TMCC3: variants seen among roughly 807,000 people sequenced by gnomAD.
TMCC3 encodes the protein transmembrane and coiled-coil domain family 3.
A neutral mutation model predicts 40.2 loss-of-function variants in TMCC3; 28 were observed. That is an observed-to-expected ratio of 0.70 (90% CI 0.52 to 0.95). The LOEUF (loss-of-function observed/expected upper bound fraction) is 0.95. Ranked by LOEUF, TMCC3 falls within the 40% of genes least tolerant of loss-of-function variation. The pLI is 0.00. For synonymous variants in TMCC3, 255 were observed against 248.5 expected, an observed-to-expected ratio of 1.03 and a Z score of -0.25; for missense variants, 554 against 615.2, an observed-to-expected ratio of 0.90 and a Z score of 1.05.
intron 1 of TMCC3, among the ~76,000 whole-genome samples, chr12:94,588,270 G>C (rs2068649966): frequency 1.3e-5 from 2 of 152,140 alleles, no homozygotes; most frequent in African/African-American, 2.4e-5. Flanking sequence ...CAAAAAGGAA[G>C]GGTACCAACA....
intron 1 of TMCC3, among the ~76,000 whole-genome samples, chr12:94,650,097 C>T (rs1171696647): frequency 2.6e-5 from 4 of 152,130 alleles, no homozygotes; most frequent in Non-Finnish European, 4.4e-5. Flanking sequence ...GGGAACCGGG[C>T]GTCCCGCATA....
chr12:94,616,755 G>A (rs143832102), intron 1 of TMCC3, among the ~76,000 whole-genome samples: 20 of 152,360 alleles, frequency 1.3e-4, no homozygotes, highest in South Asian at 6.2e-4. Context: ...GTTAGACAGA[G>A]AAGTAAAGAT....
intron 3 of TMCC3, among the ~76,000 whole-genome samples, chr12:94,575,462 T>A (rs2068558199): frequency 3.9e-5 from 6 of 152,156 alleles, no homozygotes; most frequent in Admixed American, 3.9e-4. Flanking sequence ...GAGCACTAAC[T>A]CATCCAGGGT....
chr12:94,640,157 A>G (rs978525790), intron 1 of TMCC3, among the ~76,000 whole-genome samples: 5 of 152,120 alleles, frequency 3.3e-5, no homozygotes, highest in African/African-American at 1.2e-4. Flanking sequence ...ACTTTCTAAC[A>G]TTGCTCCAAC....
At chr12:94,645,984 C>T (rs1200892158) in intron 1 of TMCC3, among the ~76,000 whole-genome samples, 3 of 152,118 alleles carry the variant, frequency 2.0e-5, no homozygotes, top group African/African-American at 7.2e-5. Flanking sequence ...CAAAACACCC[C>T]TATTATGTAG....
intron 1 of TMCC3, among the ~76,000 whole-genome samples, chr12:94,583,231 G>A (rs1345318217): frequency 2.0e-5 from 3 of 150,520 alleles, no homozygotes; most frequent in South Asian, 4.2e-4. Context: ...GCTGCTGGGC[G>A]AGGTGGCTCA....
At chr12:94,618,039 C>T (rs369302182) in intron 1 of TMCC3, among the ~76,000 whole-genome samples, 1 of 152,294 alleles carries the variant, frequency 6.6e-6, no homozygotes, top group East Asian at 1.9e-4. Context: ...GTATATGAGA[C>T]GTATATACTT....
intron 1 of TMCC3, among the ~76,000 whole-genome samples, chr12:94,587,181 G>A (rs781680457): frequency 2.0e-5 from 3 of 152,196 alleles, no homozygotes; most frequent in Admixed American, 6.5e-5. Context: ...GGGTTAGGAC[G>A]CAGGAAGGAC....
rs189767153 is a variant in TMCC3, at chr12:94,628,059, C to T, written c.78+22294G>A. On this transcript the variant is annotated intron_variant, in intron 1 of 3. Coordinates refer to ENST00000261226, the MANE Select transcript of TMCC3 (RefSeq NM_020698.4). ...ACTCTGGCCTGACGTACCACATAGC[C>T]CGCTCCTGACTTGGTGGAAGGTTGG... Among the ~76,000 whole-genome samples the T allele has an allele frequency of 1.6e-3, 240 of 152,332 alleles. 1 individual carries two copies. Among genetic ancestry groups the T allele is most frequent in the Non-Finnish European group, 7.5e-4 (51 of 68,038 alleles).
rs890200905 is a variant in TMCC3 at position 94,581,913 on chromosome 12, C to T, written c.704G>A (p.Ser235Asn). 6.2e-7 allele frequency: 1 copy of T among 1,614,140 alleles called. No homozygotes were observed. The highest frequency in any genetic ancestry group is 2.2e-5 in the East Asian group (1 of 44,902). ...AGCGCTGCCCCCGTAGGCCCTGGCACTCGCCTCTGGCCTAAACTCCTCTAA... is the reference window on the plus strand; with the variant it reads ...AGCGCTGCCCCCGTAGGCCCTGGCATTCGCCTCTGGCCTAAACTCCTCTAA... ...NSLEEFRPEASARAYGGSATI... is the reference protein window; with the variant it reads ...NSLEEFRPEANARAYGGSATI... Residue 235 changes from serine to asparagine, a missense_variant, in exon 2 of 4, where the codon AGT becomes AAT. By Grantham distance (46) the Ser-to-Asn change is conservative. Coordinates refer to ENST00000261226, the MANE Select transcript of TMCC3 (RefSeq NM_020698.4).
chr12:94,620,534 T>A (rs1266477401), intron 1 of TMCC3, among the ~76,000 whole-genome samples: 1 of 151,982 alleles, frequency 6.6e-6, no homozygotes, highest in Non-Finnish European at 1.5e-5. Flanking sequence ...GTGATCCATC[T>A]GCCTCGGCCT....
intron 3 of TMCC3, among the ~76,000 whole-genome samples, chr12:94,574,220 T>TA (rs930034190): frequency 4.5e-4 from 67 of 147,428 alleles, no homozygotes; most frequent in African/African-American, 8.4e-4. Flanking sequence ...CCCTCTTTAC[T>TA]AAAAAAAAAA....
chr12:94,641,017 T>A (rs931793269), intron 1 of TMCC3, among the ~76,000 whole-genome samples: 2 of 152,234 alleles, frequency 1.3e-5, no homozygotes, highest in Admixed American at 1.3e-4. Flanking sequence ...CTGGTCAACA[T>A]GGTGAAACCC....
intron 1 of TMCC3, among the ~76,000 whole-genome samples, chr12:94,624,772 C>T (rs1045388060): frequency 2.0e-5 from 3 of 151,978 alleles, no homozygotes; most frequent in African/African-American, 4.8e-5. Flanking sequence ...ATTCATGCTA[C>T]AACATGCGTG....
In TMCC3 at chr12:94,644,090, C is replaced by T. The variant is rs577798893; in HGVS notation, c.78+6263G>A. Among the ~76,000 whole-genome samples, 34 of 152,308 alleles carry T rather than the reference C, an allele frequency of 2.2e-4. 1 individual carries two copies. Among genetic ancestry groups the T allele is most frequent in the African/African-American group, 7.9e-4 (33 of 41,554 alleles). ...CCTTTCACCTATGTTCTTTTTACCT[C>T]CTTACAGAGGAATAATCCACAAATA... On this transcript the variant is annotated intron_variant, in intron 1 of 3. Coordinates refer to ENST00000261226, the MANE Select transcript of TMCC3 (RefSeq NM_020698.4).
intron 1 of TMCC3, chr12:94,615,807 G>A (rs564977077): frequency 1.9e-6 from 1 of 532,588 alleles, no homozygotes; most frequent in Non-Finnish European, 2.4e-6. Flanking sequence ...ACTATTAAGA[G>A]CACAAAGACA....
intron 1 of TMCC3, among the ~76,000 whole-genome samples, chr12:94,648,934 A>C (rs1043521025): frequency 3.9e-5 from 6 of 152,254 alleles, no homozygotes; most frequent in Admixed American, 3.3e-4. Flanking sequence ...TTTTCTTCAT[A>C]GTTCTGTTAA....
intron 1 of TMCC3, among the ~76,000 whole-genome samples, chr12:94,631,703 C>T (rs918332122): frequency 6.6e-6 from 1 of 152,190 alleles, no homozygotes; most frequent in African/African-American, 2.4e-5. Context: ...ACAACACTGG[C>T]CCTAATCTCA....
At chr12:94,648,256 A>ATTTATTT (rs1224617657) in intron 1 of TMCC3, among the ~76,000 whole-genome samples, 1 of 152,018 alleles carries the variant, frequency 6.6e-6, no homozygotes, top group Admixed American at 6.6e-5. Flanking sequence ...TTATTTATTT[A>ATTTATTT]AAGACAGAGT....
Sources: gnomAD v4.1 joint callset for allele counts (sites outside exome capture counted in the v4.1 genomes callset) on GRCh38, gnomAD v4.1.1 for gene constraint, MANE v1.5 for transcripts, NCBI Gene and HGNC (gene_info 2026-07-23, HGNC 2026-07-21) for gene names.